Variants in KCNN2 observed in about 807,000 individuals in gnomAD.
The protein encoded by KCNN2 is potassium calcium-activated channel subfamily N member 2.
A neutral mutation model predicts 55.5 loss-of-function variants in KCNN2; 24 were observed. That is an observed-to-expected ratio of 0.43 (90% CI 0.31 to 0.61). The LOEUF (loss-of-function observed/expected upper bound fraction) is 0.61, where lower values mean the gene tolerates loss of function less well. Among genes scored for constraint, KCNN2 ranks in the 20% least tolerant of loss-of-function variants. The probability of loss-of-function intolerance (pLI) is 0.08; values close to 1 mark genes in which losing one functional copy is unlikely to be tolerated. For missense variants in KCNN2, 754 were observed against 853.6 expected, an observed-to-expected ratio of 0.88 and a Z score of 1.45; for synonymous variants, 431 against 336.1, an observed-to-expected ratio of 1.28 and a Z score of -3.09.
chr5:114,171,294 T>G (rs1054922081), intron 1 of KCNN2, among the ~76,000 whole-genome samples: 1 of 151,996 alleles, frequency 6.6e-6, no homozygotes, highest in African/African-American at 2.4e-5. Flanking sequence ...TGCAGTTCTC[T>G]TAAATATGAC....
chr5:114,459,782 T>C (rs1761109514), intron 3 of KCNN2, among the ~76,000 whole-genome samples: 1 of 152,216 alleles, frequency 6.6e-6, no homozygotes, highest in South Asian at 2.1e-4. Flanking sequence ...GAAAGATGCA[T>C]GTTTCTATTT....
intron 5 of KCNN2, among the ~76,000 whole-genome samples, chr5:114,485,967 A>G (rs554608666): frequency 6.6e-6 from 1 of 152,270 alleles, no homozygotes; most frequent in South Asian, 2.1e-4. Flanking sequence ...GAACTTTAAC[A>G]TTCATTATCT....
chr5:114,120,954 G>A (rs1470473786), intron 1 of KCNN2, among the ~76,000 whole-genome samples: 1 of 152,208 alleles, frequency 6.6e-6, no homozygotes, highest in Non-Finnish European at 1.5e-5. Flanking sequence ...TTAGACCTGG[G>A]CAAATGGGGC....
Position 114,487,160 on chromosome 5 carries a change from C to A in KCNN2, c.2001C>A (p.Phe667Leu). Residue 667 changes from phenylalanine to leucine, a missense_variant, in exon 6 of 8, where the codon TTC becomes TTA. Physicochemically the swap from Phe to Leu is conservative, Grantham distance 22 (BLOSUM62 0). Around this residue, in one of 4 missense-constraint regions of KCNN2, gnomAD observed 164 missense variants for 156.6 expected, o/e 1.05. Coordinates refer to ENST00000673685, the MANE Select transcript of KCNN2 (RefSeq NM_021614.4). ...HAKVRKHQRK[F>L]LQAIHQLRSV... ...AAGTAAGAAAACATCAACGAAAATT[C>A]CTGCAAGCTATTCATCAGTAAGTAT... The A allele has an allele frequency of 6.2e-7, 1 of 1,612,816 alleles. No homozygotes were observed. The highest frequency in any genetic ancestry group is 8.5e-7 in the Non-Finnish European group (1 of 1,179,160).
intron 4 of KCNN2, among the ~76,000 whole-genome samples, chr5:114,465,438 C>A (rs1332293419): frequency 6.6e-6 from 1 of 152,050 alleles, no homozygotes; most frequent in East Asian, 1.9e-4. Context: ...CATGGAGAAA[C>A]CCCCTCTCTA....
chr5:114,360,098 C>A (rs761311288), upstream of KCNN2, among the ~76,000 whole-genome samples: 1 of 152,154 alleles, frequency 6.6e-6, no homozygotes, highest in Non-Finnish European at 1.5e-5. Flanking sequence ...AAATTATATT[C>A]TTGACCAAGA....
At chr5:114,159,148 A>G (rs991460998) in intron 1 of KCNN2, among the ~76,000 whole-genome samples, 1 of 152,126 alleles carries the variant, frequency 6.6e-6, no homozygotes, top group African/African-American at 2.4e-5. Context: ...TTTGTCATAG[A>G]TAGCGCTTAT....
intron 2 of KCNN2, among the ~76,000 whole-genome samples, chr5:114,265,353 G>A (rs200596049): frequency 2.2e-4 from 16 of 73,340 alleles, no homozygotes; most frequent in Non-Finnish European, 3.7e-4. Context: ...GTGTGTGTGT[G>A]TGTGTGTGTG....
intron 1 of KCNN2, among the ~76,000 whole-genome samples, chr5:114,187,423 G>A (rs560556662): frequency 2.0e-5 from 3 of 151,450 alleles, no homozygotes; most frequent in Non-Finnish European, 4.4e-5. Flanking sequence ...TTGATGGAAA[G>A]TATCCTAGAT....
At chr5:114,169,383 A>G (rs1196344180) in intron 1 of KCNN2, among the ~76,000 whole-genome samples, 3 of 152,116 alleles carry the variant, frequency 2.0e-5, no homozygotes, top group South Asian at 2.1e-4. Flanking sequence ...CTAAGACAAC[A>G]TGGAAGAGTA....
chr5:114,352,964 TA>T (rs1757236990), intron 2 of KCNN2, among the ~76,000 whole-genome samples: 1 of 151,910 alleles, frequency 6.6e-6, no homozygotes, highest in East Asian at 1.9e-4. Flanking sequence ...ATAGCTGTTC[TA>T]ACCATTATTA....
intron 2 of KCNN2, among the ~76,000 whole-genome samples, chr5:114,347,601 T>G (rs1757134385): frequency 6.6e-6 from 1 of 152,192 alleles, no homozygotes; most frequent in South Asian, 2.1e-4. Flanking sequence ...TTCACATAAT[T>G]TATCTTTGGG....
chr5:114,460,768 T>TGAGTA (rs531204454), intron 3 of KCNN2, among the ~76,000 whole-genome samples: 101 of 152,314 alleles, frequency 6.6e-4, no homozygotes, highest in African/African-American at 2.1e-3. Context: ...TTAAGTTCTC[T>TGAGTA]GAGTACATAG....
Position 114,345,904 on chromosome 5 carries a change from C to T in KCNN2, c.-184-15041C>T, listed in dbSNP as rs574820633. On this transcript the variant is annotated intron_variant, in intron 2 of 10. Coordinates refer to the KCNN2 transcript ENST00000512097. ...CAAGTGATTCTTCTGCCTCGGCATCCCGAGTAGCTGAGACTACAGGCATGC... is the reference window on the plus strand; with the variant it reads ...CAAGTGATTCTTCTGCCTCGGCATCTCGAGTAGCTGAGACTACAGGCATGC... Among the ~76,000 whole-genome samples, 13 of 152,162 alleles carry T rather than the reference C, an allele frequency of 8.5e-5. No homozygotes were observed. The South Asian group carries it at 2.7e-3, about 32-fold the overall frequency.
intron 2 of KCNN2, among the ~76,000 whole-genome samples, chr5:114,382,115 G>C (rs567124541): frequency 1.3e-5 from 2 of 152,298 alleles, no homozygotes; most frequent in East Asian, 1.9e-4. Context: ...TTTAATCATG[G>C]ATCAGAAATA....
chr5:114,106,900 T>G (rs1037811232), intron 1 of KCNN2, among the ~76,000 whole-genome samples: 1 of 152,052 alleles, frequency 6.6e-6, no homozygotes, highest in African/African-American at 2.4e-5. Flanking sequence ...TATCAACCTT[T>G]TTGTTTATGC....
At chr5:114,479,353 A>G (rs746171955) in intron 5 of KCNN2, among the ~76,000 whole-genome samples, 3 of 152,184 alleles carry the variant, frequency 2.0e-5, no homozygotes, top group African/African-American at 4.8e-5. Context: ...AATTCAACAA[A>G]AGAGTTAACT....
At chr5:114,389,760 A>G (rs974298741) in intron 2 of KCNN2, among the ~76,000 whole-genome samples, 1 of 152,194 alleles carries the variant, frequency 6.6e-6, no homozygotes, top group South Asian at 2.1e-4. Flanking sequence ...GTAATGTCCA[A>G]GTTTATTTAA....
chr5:114,124,752 C>T (rs750499671), intron 1 of KCNN2, among the ~76,000 whole-genome samples: 2 of 152,126 alleles, frequency 1.3e-5, no homozygotes, highest in Middle Eastern at 6.3e-3. Flanking sequence ...CTTCTCATTT[C>T]TTTCTGGTCT....
Sources: gnomAD v4.1 joint callset for allele counts (sites outside exome capture counted in the v4.1 genomes callset) on GRCh38, gnomAD v4.1.1 for gene constraint, gnomAD v4.1.1 regional missense constraint, MANE v1.5 for transcripts, NCBI Gene and HGNC (gene_info 2026-07-23, HGNC 2026-07-21) for gene names.